The following KIF2C variants were observed in gnomAD, a reference collection of about 807,000 sequenced individuals.
KIF2C encodes the protein kinesin-like protein KIF2C.
Under a neutral mutation model 97.4 loss-of-function variants are expected in KIF2C, and 34 were observed. The observed-to-expected ratio is 0.35, with a 90% CI of 0.27 to 0.46. KIF2C has a LOEUF of 0.46. Among genes scored for constraint, KIF2C ranks in the 20% least tolerant of loss-of-function variants. The pLI, the probability that KIF2C is intolerant of heterozygous loss-of-function variation, is 1.00. For missense variants in KIF2C, 750 were observed against 907.6 expected (o/e 0.83, Z 2.23); for synonymous variants, 313 against 318.2 (o/e 0.98, Z 0.17).
chr1:44,740,218 G>A (rs1180349571), intron 1 of KIF2C, among the ~76,000 whole-genome samples: 1 of 152,128 alleles, frequency 6.6e-6, no homozygotes, highest in African/African-American at 2.4e-5. Context: ...CAGTCCTCTG[G>A]GAGTGGGCGG....
intron 19 of KIF2C, among the ~76,000 whole-genome samples, chr1:44,762,989 T>C (rs1650248674): frequency 6.6e-6 from 1 of 152,176 alleles, no homozygotes; most frequent in Non-Finnish European, 1.5e-5. Context: ...ACTCTTGTGC[T>C]GAATCCAAGG....
chr1:44,759,113 C>T (rs148222545), intron 13 of KIF2C, 93 bp from the exon 14 acceptor site: 7 of 1,524,426 alleles, frequency 4.6e-6, no homozygotes, highest in African/African-American at 2.7e-5. Context: ...GCTGCTGGCT[C>T]TTGTCCGAGC....
chr1:44,741,335 CTG>C (rs1648924153), intron 2 of KIF2C, among the ~76,000 whole-genome samples: 2 of 149,420 alleles, frequency 1.3e-5, no homozygotes, highest in African/African-American at 5.0e-5. Context: ...TGAGCCGAAA[CTG>C]TGCCGCTGCA....
chr1:44,757,872 C>A (rs1212503855), intron 11 of KIF2C, 36 bp from the exon 12 acceptor site: 1 of 1,603,964 alleles, frequency 6.2e-7, no homozygotes. Context: ...AGGCCAACAG[C>A]CCTTTTCCAT....
intron 4 of KIF2C, among the ~76,000 whole-genome samples, chr1:44,749,532 G>C (rs1649395894): frequency 6.6e-6 from 1 of 152,058 alleles, no homozygotes; most frequent in Non-Finnish European, 1.5e-5. Flanking sequence ...CAGGAAGATG[G>C]CTTGAACCTA....
chr1:44,762,150 T>C, intron 17 of KIF2C, 167 bp downstream of exon 17: 1 of 837,212 alleles, frequency 1.2e-6, no homozygotes, highest in African/African-American at 1.7e-5. Flanking sequence ...GTCCCAATCC[T>C]CTCCGGGCCC....
chr1:44,747,815 C>G (rs1649293195), intron 4 of KIF2C, 115 bp downstream of exon 4: 13 of 825,332 alleles, frequency 1.6e-5, no homozygotes, highest in South Asian at 6.5e-5. Context: ...GGGTTGAGTC[C>G]TGCCTGTGTT....
At chr1:44,758,256 G>A (rs1649948580) in intron 13 of KIF2C, 116 bp downstream of exon 13, 3 of 832,234 alleles carry the variant, frequency 3.6e-6, no homozygotes, top group Non-Finnish European at 5.9e-6. Context: ...TCAAGCCACT[G>A]ATGGGCCATT....
rs1365714600 is a variant in KIF2C at position 44,760,685 on chromosome 1, A to G, written c.1666A>G (p.Asn556Asp). ...QVLRDSFIGE[N>D]SRTCMIATIS... ...GCTGAGGGACTCCTTCATTGGGGAG[A>G]ACTCTAGGACTTGCATGGTGAGTAG... Residue 556 changes from asparagine to aspartate, a missense_variant, in exon 16 of 21, where the codon AAC becomes GAC. Coordinates refer to ENST00000372224, the MANE Select transcript of KIF2C (RefSeq NM_006845.4). This position sits in a 1 kb window ranked among gnomAD's most constrained non-coding sequence, Gnocchi z 4.2. 6.2e-7 allele frequency: 1 copy of G among 1,613,700 alleles called. No homozygotes were observed. Among genetic ancestry groups the G allele is most frequent in the Non-Finnish European group, 8.5e-7 (1 of 1,179,796 alleles).
At chr1:44,745,859 A>T (rs540716265) in intron 2 of KIF2C, among the ~76,000 whole-genome samples, 1 of 151,360 alleles carries the variant, frequency 6.6e-6, no homozygotes, top group East Asian at 2.0e-4. Context: ...GGCAGCAAAT[A>T]ACTGCAGATT....
chr1:44,747,850 G>A, intron 4 of KIF2C, 150 bp downstream of exon 4: 1 of 694,498 alleles, frequency 1.4e-6, no homozygotes, highest in Non-Finnish European at 2.5e-6. Flanking sequence ...CTATGAGAAA[G>A]AATCCAATCT....
rs1421605882 is a variant in KIF2C at position 44,760,468 on chromosome 1, G to C, written c.1556G>C (p.Ser519Thr). Residue 519 changes from serine to threonine, a missense_variant, in exon 15 of 21, where the codon AGT (serine) becomes ACT (threonine). Physicochemically the swap from Ser to Thr is moderately conservative, Grantham distance 58. Transcript: ENST00000372224. This position sits in a 1 kb window ranked among gnomAD's most constrained non-coding sequence, Gnocchi z 4.2. The stretch of plus-strand genomic sequence containing the variant: ...ATGGAGGGCGCAGAAATCAACAAGA[G>C]TCTCTTAGCCCTGAAGGTAGTGGGG... Reference protein sequence around the residue: ...TRMEGAEINKSLLALKECIRA... With the variant: ...TRMEGAEINKTLLALKECIRA... The C allele has an allele frequency of 1.9e-6, 3 of 1,614,006 alleles. No homozygotes were observed. Among genetic ancestry groups the C allele is most frequent in the African/African-American group, 2.7e-5 (2 of 74,944 alleles).
intron 19 of KIF2C, among the ~76,000 whole-genome samples, chr1:44,763,290 T>C (rs1650263878): frequency 6.6e-6 from 1 of 152,178 alleles, no homozygotes; most frequent in South Asian, 2.1e-4. Context: ...GGCAGGAATT[T>C]ACGTCCCAAT....
chr1:44,762,159 C>T, intron 17 of KIF2C, 176 bp downstream of exon 17: 1 of 835,110 alleles, frequency 1.2e-6, no homozygotes, highest in Non-Finnish European at 2.1e-6. Flanking sequence ...CTCTCCGGGC[C>T]CTGCTGGAGA....
intron 5 of KIF2C, 66 bp downstream of exon 5, chr1:44,750,630 G>C: frequency 7.3e-7 from 1 of 1,374,246 alleles, no homozygotes; most frequent in East Asian, 2.7e-5. Context: ...TGGTCCCTGT[G>C]CTAGAATATC....
intron 5 of KIF2C, among the ~76,000 whole-genome samples, chr1:44,751,502 T>G (rs551249711): frequency 1.7e-4 from 25 of 148,426 alleles, no homozygotes; most frequent in African/African-American, 5.6e-4. Context: ...AGCCCTCTTT[T>G]TGTACTTTTT....
intron 17 of KIF2C, 78 bp from the exon 18 acceptor site, chr1:44,762,268 G>C (rs753405683): frequency 7.5e-7 from 1 of 1,334,156 alleles, no homozygotes; most frequent in Non-Finnish European, 1.1e-6. Flanking sequence ...CTCAAGCCTC[G>C]AAGCCTGGGC....
At chr1:44,753,710 CT>C (rs772429656) in intron 6 of KIF2C, 22 bp from the exon 7 acceptor site, 4,395 of 1,287,870 alleles carry the variant, frequency 3.4e-3, no homozygotes, top group South Asian at 4.0e-3. Flanking sequence ...CTTTTTTTTT[CT>C]TTTTTTTTTA....
intron 10 of KIF2C, among the ~76,000 whole-genome samples, 183 bp downstream of exon 10, chr1:44,756,420 G>T (rs1170572259): frequency 6.6e-6 from 1 of 152,032 alleles, no homozygotes; most frequent in African/African-American, 2.4e-5. Flanking sequence ...ACTGAATGAG[G>T]TATCACCCGT....
Sources: allele counts gnomAD v4.1 joint callset (sites outside exome capture counted in the v4.1 genomes callset), GRCh38; gene constraint gnomAD v4.1.1; non-coding constraint Gnocchi (gnomAD v3.1); transcripts MANE v1.5; gene names NCBI Gene and HGNC (gene_info 2026-07-23, HGNC 2026-07-21).